LNX1: variants seen among roughly 807,000 people sequenced by gnomAD.
The protein encoded by LNX1 is ligand of numb-protein X 1, also known as E3 ubiquitin-protein ligase LNX.
A neutral mutation model predicts 68.4 loss-of-function variants in LNX1; 54 were observed. The observed-to-expected ratio is 0.79, with a 90% CI of 0.63 to 0.99. The LOEUF is 0.99. LNX1 is among the 50% of genes least tolerant of loss of function. The pLI, the probability that LNX1 is intolerant of heterozygous loss-of-function variation, is 0.00. For missense variants in LNX1, 906 were observed against 926.4 expected, an observed-to-expected ratio of 0.98 and a Z score of 0.29; for synonymous variants, 336 against 350.0, an observed-to-expected ratio of 0.96 and a Z score of 0.45.
At chr4:53,520,917 G>A (rs574418263) in intron 2 of LNX1, among the ~76,000 whole-genome samples, 4 of 152,276 alleles carry the variant, frequency 2.6e-5, no homozygotes, top group East Asian at 3.9e-4. Context: ...AGCCAAGATC[G>A]TACCACTGCA....
chr4:53,540,859 G>C (rs1454445486), intron 2 of LNX1, among the ~76,000 whole-genome samples: 1 of 152,088 alleles, frequency 6.6e-6, no homozygotes, highest in Non-Finnish European at 1.5e-5. Flanking sequence ...CAGGAGAGCT[G>C]GGAATGGTGG....
Position 53,461,552 on chromosome 4 carries a change from G to T in LNX1, c.1934C>A (p.Thr645Lys), listed in dbSNP as rs372541950. The stretch of plus-strand genomic sequence containing the variant: ...AATGCAGAAGCCCAGACTTCCAGCT[G>T]TGTTTCTTCGTAATACAATATCTTT... ...NCKDIVLRRN[T>K]AGSLGFCIVG... Residue 645 changes from threonine to lysine, a missense_variant, in exon 10 of 11, where the codon ACA becomes AAA. By Grantham distance (78) the Thr-to-Lys change is moderately conservative. Transcript: ENST00000263925. 1.9e-6 allele frequency: 3 copies of T among 1,611,918 alleles called. No individual in the cohort carries two copies. The African/African-American group carries it at 4.0e-5, about 22-fold the overall frequency.
chr4:53,637,241 C>A (rs1734515523), intron 1 of LNX1, among the ~76,000 whole-genome samples: 2 of 151,860 alleles, frequency 1.3e-5, no homozygotes. Context: ...CCCTAAGAAA[C>A]TTGTGTTTTA....
intron 2 of LNX1, among the ~76,000 whole-genome samples, chr4:53,570,286 T>C (rs906039921): frequency 1.6e-4 from 24 of 148,866 alleles, no homozygotes; most frequent in Non-Finnish European, 2.5e-4. Flanking sequence ...AATGATAGAC[T>C]GGATTAAGAA....
chr4:53,610,715 GA>G (rs10553873), intron 2 of LNX1, among the ~76,000 whole-genome samples: 3,604 of 112,480 alleles, frequency 0.032, 150 homozygotes, highest in African/African-American at 0.11. Context: ...TCTCAAAGAG[GA>G]AAAAAAAAAA....
At chr4:53,484,531 C>G (rs1171479906) in intron 6 of LNX1, among the ~76,000 whole-genome samples, 1 of 151,696 alleles carries the variant, frequency 6.6e-6, no homozygotes, top group Non-Finnish European at 1.5e-5. Flanking sequence ...GCACTGCACT[C>G]AAGCCTGGGT....
chr4:53,581,866 G>T (rs1731860142), intron 1 of LNX1, among the ~76,000 whole-genome samples: 1 of 152,146 alleles, frequency 6.6e-6, no homozygotes, highest in Admixed American at 6.5e-5. Context: ...ACTAAGTGAT[G>T]ATCTTAAACA....
At chr4:53,475,957 G>T (rs762608235) in intron 9 of LNX1, among the ~76,000 whole-genome samples, 1 of 152,124 alleles carries the variant, frequency 6.6e-6, no homozygotes, top group Non-Finnish European at 1.5e-5. Flanking sequence ...CTTAGCAAAG[G>T]CGAAGTGCTC....
At chr4:53,650,289 A>C (rs1160412967) in intron 1 of LNX1, among the ~76,000 whole-genome samples, 1 of 152,206 alleles carries the variant, frequency 6.6e-6, no homozygotes, top group Non-Finnish European at 1.5e-5. Context: ...TGGAGGACAT[A>C]CGGTAGCTCC....
At chr4:53,519,501 C>G (rs1577650287) in intron 2 of LNX1, among the ~76,000 whole-genome samples, 1 of 151,562 alleles carries the variant, frequency 6.6e-6, no homozygotes, top group Non-Finnish European at 1.5e-5. Context: ...AAAACTTCCC[C>G]CCACTGGTTG....
chr4:53,464,199 G>GT (rs1722461872), intron 9 of LNX1, among the ~76,000 whole-genome samples: 1 of 152,180 alleles, frequency 6.6e-6, no homozygotes, highest in East Asian at 1.9e-4. Flanking sequence ...GTTCAGAAAA[G>GT]TTTAACTTCC....
intron 2 of LNX1, chr4:53,523,242 G>A (rs2109583948): frequency 6.6e-6 from 1 of 152,254 alleles, no homozygotes; most frequent in South Asian, 2.1e-4. Flanking sequence ...GTTCTATTTT[G>A]AATTGTGAAA....
intron 2 of LNX1, among the ~76,000 whole-genome samples, chr4:53,541,274 A>T (rs144296938): frequency 1.3e-5 from 2 of 152,314 alleles, no homozygotes; most frequent in Non-Finnish European, 2.9e-5. Flanking sequence ...AACTGAATCA[A>T]CTTCAGCAAA....
At chr4:53,624,635 C>T (rs148408443) in intron 1 of LNX1, among the ~76,000 whole-genome samples, 90 of 152,282 alleles carry the variant, frequency 5.9e-4, no homozygotes, top group African/African-American at 1.9e-3. Flanking sequence ...ACTGCCTACC[C>T]TCCCACCATG....
chr4:53,580,621 A>G (rs952796155), intron 1 of LNX1, among the ~76,000 whole-genome samples: 7 of 152,184 alleles, frequency 4.6e-5, no homozygotes, highest in African/African-American at 1.7e-4. Flanking sequence ...TACGAGTAAA[A>G]AGGTAGAAAT....
At position 53,476,852 on chromosome 4, in the gene LNX1, T is replaced by C; in HGVS notation, c.1793A>G (p.Gln598Arg). Residue 598 changes from glutamine (Q) to arginine (R), a missense_variant, in exon 9 of 11, where the codon CAG becomes CGG. By Grantham distance (43) the Gln-to-Arg change is conservative (BLOSUM62 1). Coordinates refer to ENST00000263925, the MANE Select transcript of LNX1 (RefSeq NM_001126328.3). The part of the protein sequence containing the change: ...KALEVKEYEP[Q>R]EDCSSPAALD... ...GGCTGCTGGGCTGCTGCAGTCTTCC[T>C]GGGGCTCATACTCTTTGACTTCCAA... is the stretch of plus-strand genomic sequence containing the variant. The C allele has an allele frequency of 6.2e-7, 1 of 1,614,182 alleles. No homozygotes were observed. Among genetic ancestry groups the C allele is most frequent in the Non-Finnish European group, 8.5e-7 (1 of 1,180,016 alleles).
At chr4:53,623,221 T>TC (rs397956013) in intron 1 of LNX1, among the ~76,000 whole-genome samples, 1 of 151,244 alleles carries the variant, frequency 6.6e-6, no homozygotes, top group Non-Finnish European at 1.5e-5. Flanking sequence ...TTTTTTTTTT[T>TC]AGGATGGAGT....
At chr4:53,612,848 G>T (rs1733547876) in intron 2 of LNX1, among the ~76,000 whole-genome samples, 1 of 151,644 alleles carries the variant, frequency 6.6e-6, no homozygotes, top group South Asian at 2.1e-4. Context: ...TCGTATCACT[G>T]CACTCCAGCC....
At chr4:53,571,705 T>G (rs1205841653) in intron 2 of LNX1, among the ~76,000 whole-genome samples, 2 of 152,086 alleles carry the variant, frequency 1.3e-5, no homozygotes, top group Non-Finnish European at 2.9e-5. Context: ...CTTTGTCACT[T>G]AGGCTGGAGT....
Sources: gnomAD v4.1 joint callset for allele counts (sites outside exome capture counted in the v4.1 genomes callset) on GRCh38, gnomAD v4.1.1 for gene constraint, MANE v1.5 for transcripts, NCBI Gene and HGNC (gene_info 2026-07-23, HGNC 2026-07-21) for gene names.